The following FAM163B variants were observed in gnomAD, a reference collection of about 807,000 sequenced individuals.
FAM163B encodes protein FAM163B.
Under a neutral mutation model 7.6 loss-of-function variants are expected in FAM163B, and 4 were observed. The observed-to-expected ratio is 0.52, with a 90% CI of 0.26 to 1.20. The LOEUF (loss-of-function observed/expected upper bound fraction) is 1.20, where lower values mean the gene tolerates loss of function less well. Ranked by LOEUF, FAM163B falls within the 50% of genes most tolerant of loss-of-function variation. The probability of loss-of-function intolerance (pLI) is 0.14; values close to 1 mark genes in which losing one functional copy is unlikely to be tolerated. For synonymous variants in FAM163B, 120 were observed against 111.6 expected (o/e 1.07, Z -0.47); for missense variants, 250 against 243.0 (o/e 1.03, Z -0.19).
rs1831735233 is a variant in FAM163B, at chr9:133,601,982, C to A, written c.-24+7095G>T. Among the ~76,000 whole-genome samples the A allele has an allele frequency of 1.3e-5, 2 of 152,166 alleles. No individual in the cohort carries two copies. Among genetic ancestry groups the A allele is most frequent in the African/African-American group, 2.4e-5 (1 of 41,440 alleles). On this transcript the variant is annotated intron_variant, in intron 1 of 2. Coordinates refer to ENST00000673969, the MANE Select transcript of FAM163B (RefSeq NM_001080515.3). This position sits in a 1 kb window ranked among gnomAD's most constrained non-coding sequence, Gnocchi z 4.1. ...GACCAGCAGGGAAGCTGGGGGCTGG[C>A]AGGGTCTGTCCTGGGTGGGGCTCCA...
In FAM163B at chr9:133,600,490, C is replaced by T. The variant is rs1259602446; in HGVS notation, c.-24+8587G>A. On this transcript the variant is annotated intron_variant, in intron 1 of 2. Coordinates refer to ENST00000673969, the MANE Select transcript of FAM163B (RefSeq NM_001080515.3). The surrounding 1 kb of genome is among the most constrained non-coding windows in gnomAD (Gnocchi z 4.9). The stretch of plus-strand genomic sequence containing the variant: ...GTCACCTGGCACTTACGAGGGAAGC[C>T]CCAGATGGCCCCTGCAGCTGGGCCT... Among the ~76,000 whole-genome samples, 1 of 152,160 alleles carries T rather than the reference C, an allele frequency of 6.6e-6. No individual in the cohort carries two copies. The highest frequency in any genetic ancestry group is 1.5e-5 in the Non-Finnish European group (1 of 68,022).
At chr9:133,582,300 TCTCA>T (rs1214293789) in intron 1 of FAM163B, among the ~76,000 whole-genome samples, 2 of 152,220 alleles carry the variant, frequency 1.3e-5, no homozygotes, top group African/African-American at 2.4e-5. Context: ...CCCAGTGCAA[TCTCA>T]CTGATTTTTG....
chr9:133,590,340 G>A (rs1002604260), intron 1 of FAM163B, among the ~76,000 whole-genome samples: 11 of 151,808 alleles, frequency 7.2e-5, no homozygotes, highest in Non-Finnish European at 5.9e-5. Flanking sequence ...CCTGGAAGGC[G>A]GACGGGAGGG....
At chr9:133,585,514 C>T (rs1230712206) in intron 1 of FAM163B, among the ~76,000 whole-genome samples, 10 of 152,388 alleles carry the variant, frequency 6.6e-5, no homozygotes, top group East Asian at 1.9e-4. Context: ...GCCCAGGCGA[C>T]GCTTAATGAA....
rs1831310472 is a variant in FAM163B, at chr9:133,579,222, T to TG, written c.300dup (p.Thr101HisfsTer125). ...TCCGGCGGCTCCTGCAGGAAGAAGGTGGGGGGCTCGCAGTGGGAGCAGCTG... is the reference window on the plus strand; with the variant it reads ...TCCGGCGGCTCCTGCAGGAAGAAGGTGGGGGGGCTCGCAGTGGGAGCAGCTG... On this transcript the variant is annotated frameshift_variant, in exon 3 of 3. Coordinates refer to ENST00000673969, the MANE Select transcript of FAM163B (RefSeq NM_001080515.3). LOFTEE classifies it high-confidence loss of function. 2.5e-6 allele frequency: 4 copies of TG among 1,611,128 alleles called. No individual in the cohort carries two copies. Among genetic ancestry groups the TG allele is most frequent in the Admixed American group, 1.7e-5 (1 of 59,944 alleles).
In FAM163B at chr9:133,601,556, T is replaced by G. The variant is rs75505227; in HGVS notation, c.-24+7521A>C. ...ACTGAAACCCCCATAACTGGAGAAT[T>G]TCGGGTGCCACATGGGTCAGACGCA... On this transcript the variant is annotated intron_variant, in intron 1 of 2. Coordinates refer to ENST00000673969, the MANE Select transcript of FAM163B (RefSeq NM_001080515.3). The surrounding 1 kb of genome is among the most constrained non-coding windows in gnomAD (Gnocchi z 4.1). 0.088 allele frequency among the ~76,000 whole-genome samples: 13,341 copies of G among 152,154 alleles called. 786 individuals carry two copies. The highest frequency in any genetic ancestry group is 0.16 in the Admixed American group (2,516 of 15,290).
intron 1 of FAM163B, 125 bp from the exon 2 acceptor site, chr9:133,580,371 G>T: frequency 2.7e-6 from 2 of 739,194 alleles, no homozygotes; most frequent in Non-Finnish European, 2.3e-6. Context: ...GCCTGTGAGA[G>T]GCAGGGGCTC....
At chr9:133,603,850 T>G (rs533860048) in intron 1 of FAM163B, among the ~76,000 whole-genome samples, 195 of 152,302 alleles carry the variant, frequency 1.3e-3, no homozygotes, top group African/African-American at 4.5e-3. Context: ...TTTCTTTTTT[T>G]GGGGGAGGGG....
At chr9:133,595,238 C>T (rs1447278489) in intron 1 of FAM163B, among the ~76,000 whole-genome samples, 2 of 152,206 alleles carry the variant, frequency 1.3e-5, no homozygotes, top group Non-Finnish European at 2.9e-5. Context: ...CTCTGCCTCC[C>T]AGGTTCAAGT....
intron 1 of FAM163B, among the ~76,000 whole-genome samples, chr9:133,602,313 G>A (rs1194043934): frequency 1.3e-5 from 2 of 152,344 alleles, no homozygotes; most frequent in East Asian, 3.9e-4. Context: ...GAGAGGTTTA[G>A]TAATGTGCCT....
chr9:133,590,508 C>T (rs982834706), intron 1 of FAM163B, among the ~76,000 whole-genome samples: 9 of 152,170 alleles, frequency 5.9e-5, no homozygotes, highest in African/African-American at 1.7e-4. Flanking sequence ...GATGAGGAAA[C>T]GGAGGCACAA....
intron 1 of FAM163B, among the ~76,000 whole-genome samples, chr9:133,587,883 C>T (rs1831464232): frequency 6.6e-6 from 1 of 151,974 alleles, no homozygotes; most frequent in East Asian, 1.9e-4. Context: ...GAAGCTCTTT[C>T]CTGGGATCTC....
chr9:133,579,704 C>T (rs1453589839), intron 2 of FAM163B, among the ~76,000 whole-genome samples: 3 of 152,332 alleles, frequency 2.0e-5, no homozygotes, highest in South Asian at 4.1e-4. Flanking sequence ...GAGACTGAGG[C>T]GTGGAGGGGT....
intron 1 of FAM163B, among the ~76,000 whole-genome samples, chr9:133,599,629 T>C (rs541548830): frequency 6.6e-6 from 1 of 150,900 alleles, no homozygotes; most frequent in African/African-American, 2.5e-5. Context: ...TGCATGCATG[T>C]ATGTGTAAGT....
chr9:133,594,773 C>T (rs1487008940), intron 1 of FAM163B, among the ~76,000 whole-genome samples: 1 of 151,946 alleles, frequency 6.6e-6, no homozygotes, highest in Non-Finnish European at 1.5e-5. Context: ...GGAGAAGTGA[C>T]CCTGAGTGAG....
intron 1 of FAM163B, among the ~76,000 whole-genome samples, chr9:133,599,555 CATGT>C (rs1406087918): frequency 6.7e-6 from 1 of 149,820 alleles, no homozygotes; most frequent in Non-Finnish European, 1.5e-5. Flanking sequence ...TGAGTGTGTG[CATGT>C]GTTTCTGTGT....
At chr9:133,595,096 A>G (rs1831611077) in intron 1 of FAM163B, among the ~76,000 whole-genome samples, 1 of 152,068 alleles carries the variant, frequency 6.6e-6, no homozygotes, top group Admixed American at 6.6e-5. Flanking sequence ...TCACATTTTA[A>G]CGTGCATCGA....
intron 1 of FAM163B, among the ~76,000 whole-genome samples, chr9:133,595,401 G>T (rs1055707246): frequency 6.6e-6 from 1 of 152,124 alleles, no homozygotes; most frequent in Non-Finnish European, 1.5e-5. Flanking sequence ...CTCCTGCCTC[G>T]GCCTCCCAAA....
rs1831698688 is a variant in FAM163B, at chr9:133,600,136, G to A, written c.-24+8941C>T. The stretch of plus-strand genomic sequence containing the variant: ...GGTCTATGTGTATGTGTGTCTGTGT[G>A]CGTGTGTGAATGTATGTGTGCATGA... On this transcript the variant is annotated intron_variant, in intron 1 of 2. Coordinates refer to ENST00000673969, the MANE Select transcript of FAM163B (RefSeq NM_001080515.3). This position sits in a 1 kb window ranked among gnomAD's most constrained non-coding sequence, Gnocchi z 4.9. Among the ~76,000 whole-genome samples, 1 of 151,234 alleles carries A rather than the reference G, an allele frequency of 6.6e-6. No homozygotes were observed. Among genetic ancestry groups the A allele is most frequent in the South Asian group, 2.1e-4 (1 of 4,784 alleles).
Sources: allele counts gnomAD v4.1 joint callset (sites outside exome capture counted in the v4.1 genomes callset), GRCh38; gene constraint gnomAD v4.1.1; non-coding constraint Gnocchi (gnomAD v3.1); transcripts MANE v1.5; gene names NCBI Gene and HGNC (gene_info 2026-07-23, HGNC 2026-07-21).